The following LRP2 variants were observed in gnomAD, a reference collection of about 807,000 sequenced individuals.
LRP2 encodes low-density lipoprotein receptor-related protein 2.
Under a neutral mutation model 531.0 loss-of-function variants are expected in LRP2, and 172 were observed. The ratio of observed to expected loss-of-function variants is 0.32; its 90% CI spans 0.29 to 0.37. The LOEUF is 0.37. Ranked by LOEUF, LRP2 falls within the 10% of genes least tolerant of loss-of-function variation. The pLI, the probability that LRP2 is intolerant of heterozygous loss-of-function variation, is 1.00. For missense variants in LRP2, 5,167 were observed against 5,868.3 expected (o/e 0.88, Z 3.90); for synonymous variants, 1,992 against 2,027.6 (o/e 0.98, Z 0.47).
At chr2:169,188,580 T>C (rs942175154) in intron 48 of LRP2, among the ~76,000 whole-genome samples, 3 of 152,212 alleles carry the variant, frequency 2.0e-5, no homozygotes, top group Non-Finnish European at 4.4e-5. Context: ...TTAAAAATAA[T>C]TGCATTCATT....
chr2:169,324,512 A>G (rs1684990852), intron 1 of LRP2, among the ~76,000 whole-genome samples: 1 of 152,164 alleles, frequency 6.6e-6, no homozygotes, highest in South Asian at 2.1e-4. Flanking sequence ...CTTAGGAAAA[A>G]TTGCAGCAAT....
rs754893192 is a variant in LRP2, at chr2:169,233,532, G to A, written c.4977C>T (p.Asp1659=). Residue 1659 remains aspartate, a synonymous_variant, in exon 30 of 79, where the codon GAC becomes GAT. Coordinates refer to ENST00000649046, the MANE Select transcript of LRP2 (RefSeq NM_004525.3). Reference sequence around the variant, plus strand: ...CTCGCATAACCCGACGAGTAGCACGGTCAGTCCAGTACACAGAGTCTTCAA... The same window carrying A: ...CTCGCATAACCCGACGAGTAGCACGATCAGTCCAGTACACAGAGTCTTCAA... ...TLFEDSVYWT[D]RATRRVMRAN... 4 of 1,614,130 alleles carry A rather than the reference G, an allele frequency of 2.5e-6. No individual in the cohort carries two copies. The highest frequency in any genetic ancestry group is 1.6e-4 in the Middle Eastern group (1 of 6,062).
intron 10 of LRP2, 117 bp downstream of exon 10, chr2:169,282,756 T>G: frequency 8.7e-7 from 1 of 1,151,924 alleles, no homozygotes; most frequent in Non-Finnish European, 1.3e-6. Flanking sequence ...TGATTTGTAA[T>G]GATAAAGCCC....
intron 1 of LRP2, among the ~76,000 whole-genome samples, chr2:169,322,221 T>C (rs891174686): frequency 1.3e-5 from 2 of 152,194 alleles, no homozygotes; most frequent in African/African-American, 4.8e-5. Context: ...CTATCCTGAT[T>C]TGTGTAAATG....
rs1489949330 is a variant in LRP2 at position 169,201,805 on chromosome 2, G to T, written c.8275C>A (p.Arg2759Ser). 1 of 1,614,056 alleles carries T rather than the reference G, an allele frequency of 6.2e-7. No individual in the cohort carries two copies. Among genetic ancestry groups the T allele is most frequent in the African/African-American group, 1.3e-5 (1 of 74,932 alleles). The change falls in exon 44 of 79, where the codon CGC becomes AGC. Residue 2759 changes from arginine to serine, a missense_variant. Transcript: ENST00000649046. Reference sequence around the variant, plus strand: ...CCACAGTCATTGTAGTAATCACAGCGGTAAGAGTATTGGACACATCGCCCA... The same window carrying T: ...CCACAGTCATTGTAGTAATCACAGCTGTAAGAGTATTGGACACATCGCCCA... ...ANGRCVQYSY[R>S]CDYYNDCGDG... is the part of the protein sequence containing the mutation.
At position 169,209,453 on chromosome 2, in the gene LRP2, C is replaced by G. The variant is rs769830564; in HGVS notation, c.6469G>C (p.Gly2157Arg). 6 of 1,613,786 alleles carry G rather than the reference C, an allele frequency of 3.7e-6. No individual in the cohort carries two copies. In the South Asian group the frequency reaches 6.6e-5, roughly 18 times the overall value. The change falls in exon 38 of 79, where the codon GGA becomes CGA. Residue 2157 changes from glycine (G) to arginine (R), a missense_variant and splice_region_variant. This residue lies in a region of LRP2 where 2,811 missense variants were observed against 3,058.0 expected (regional missense o/e 0.92). Transcript: ENST00000649046. ...TAAAATCACCATATAGCTTACATAC[C>G]TGCTACCCAATCCACTGCAATACCC... ...VRGIAVDWVAGNLYFTNAFVS... is the reference protein window; with the variant it reads ...VRGIAVDWVARNLYFTNAFVS...
intron 14 of LRP2, 36 bp downstream of exon 14, chr2:169,275,000 G>C (rs746628669): frequency 6.3e-7 from 1 of 1,598,728 alleles, no homozygotes; most frequent in South Asian, 1.1e-5. Context: ...CACCAAGTCC[G>C]GTACCAAGCA....
At chr2:169,279,995 T>C (rs145459028) in intron 11 of LRP2, among the ~76,000 whole-genome samples, 391 of 152,352 alleles carry the variant, frequency 2.6e-3, no homozygotes, top group African/African-American at 8.9e-3. Context: ...ATCTGATTTT[T>C]ATCATCCAGA....
chr2:169,207,211 A>T lies in LRP2; in HGVS notation c.6509T>A (p.Leu2170Gln). The T allele has an allele frequency of 6.2e-7, 1 of 1,614,130 alleles. No homozygotes were observed. ...YFTNAFVSET[L>Q]IEVLRINTTY... is the part of the protein sequence containing the mutation. ...AGTATTGATCCGCAGAACTTCTATC[A>T]GTGTTTCAGAAACAAAGGCATTGGT... Residue 2170 changes from leucine (L) to glutamine (Q), a missense_variant, in exon 39 of 79, where the codon CTG (leucine) becomes CAG (glutamine). By Grantham distance (113) the Leu-to-Gln change is moderately radical (BLOSUM62 -2). Around this residue, in one of 6 missense-constraint regions of LRP2, gnomAD observed 2,811 missense variants for 3,058.0 expected, o/e 0.92. Coordinates refer to ENST00000649046, the MANE Select transcript of LRP2 (RefSeq NM_004525.3).
At chr2:169,255,066 G>A (rs965962197) in intron 19 of LRP2, among the ~76,000 whole-genome samples, 6 of 152,112 alleles carry the variant, frequency 3.9e-5, no homozygotes, top group Admixed American at 3.3e-4. Context: ...ATGTGAGAAA[G>A]TCTTTGATTT....
At chr2:169,217,637 G>A (rs549138277) in intron 34 of LRP2, among the ~76,000 whole-genome samples, 1 of 151,970 alleles carries the variant, frequency 6.6e-6, no homozygotes, top group East Asian at 1.9e-4. Context: ...CCTGGACATA[G>A]CACAAAACTT....
intron 1 of LRP2, among the ~76,000 whole-genome samples, chr2:169,335,711 A>T (rs529625292): frequency 1.3e-5 from 2 of 152,270 alleles, no homozygotes; most frequent in Admixed American, 6.5e-5. Context: ...AGAATTTCAA[A>T]TTTTTCCTAA....
chr2:169,244,109 C>G (rs754476432), intron 22 of LRP2, among the ~76,000 whole-genome samples: 6 of 152,160 alleles, frequency 3.9e-5, no homozygotes, highest in South Asian at 2.1e-4. Flanking sequence ...TCATCTATTC[C>G]AAATGATAGT....
chr2:169,188,062 T>C lies in LRP2; in HGVS notation c.9236A>G (p.Glu3079Gly). The part of the protein sequence containing the change: ...HTPEPTCPPH[E>G]FKCDNGRCIE... ...GCAGCGCCCATTGTCACACTTGAAC[T>C]CGTGAGGTGGACACGTGGGTTCTGG... The change falls in exon 49 of 79, where the codon GAG becomes GGG. Residue 3079 changes from glutamate (E) to glycine (G), a missense_variant. By Grantham distance (98) the Glu-to-Gly change is moderately conservative (BLOSUM62 -2). Transcript: ENST00000649046. The C allele has an allele frequency of 5.0e-6, 8 of 1,614,152 alleles. No homozygotes were observed. Among genetic ancestry groups the C allele is most frequent in the Non-Finnish European group, 6.8e-6 (8 of 1,180,006 alleles).
chr2:169,285,211 A>G (rs558871959), intron 9 of LRP2, among the ~76,000 whole-genome samples: 49 of 151,762 alleles, frequency 3.2e-4, no homozygotes, highest in African/African-American at 7.0e-4. Context: ...AGTCCCAGCT[A>G]TTCGGGAGGC....
intron 16 of LRP2, among the ~76,000 whole-genome samples, chr2:169,264,687 A>G (rs868110037): frequency 6.6e-6 from 1 of 152,042 alleles, no homozygotes. Flanking sequence ...CAGAAGAGAG[A>G]CACACCCACA....
intron 29 of LRP2, among the ~76,000 whole-genome samples, chr2:169,234,505 C>T (rs1179541166): frequency 2.0e-5 from 3 of 152,176 alleles, no homozygotes; most frequent in Non-Finnish European, 2.9e-5. Context: ...CATAGTAGTC[C>T]ATGATGTATA....
intron 1 of LRP2, among the ~76,000 whole-genome samples, chr2:169,354,657 A>G (rs1685942758): frequency 6.6e-6 from 1 of 152,220 alleles, no homozygotes; most frequent in Non-Finnish European, 1.5e-5. Context: ...TAGAATGATA[A>G]TGTCTCCATT....
At chr2:169,299,391 C>T (rs1377676945) in intron 4 of LRP2, among the ~76,000 whole-genome samples, 1 of 152,054 alleles carries the variant, frequency 6.6e-6, no homozygotes, top group Non-Finnish European at 1.5e-5. Context: ...TCTCTATCCA[C>T]AGTGACCTAA....
Sources: allele counts gnomAD v4.1 joint callset (sites outside exome capture counted in the v4.1 genomes callset), GRCh38; gene constraint gnomAD v4.1.1; regional missense constraint gnomAD v4.1.1; transcripts MANE v1.5; gene names NCBI Gene and HGNC (gene_info 2026-07-23, HGNC 2026-07-21).